The following RABGAP1L variants were observed in gnomAD, a reference collection of about 807,000 sequenced individuals.
RABGAP1L encodes the protein rab GTPase-activating protein 1-like.
A neutral mutation model predicts 137.7 loss-of-function variants in RABGAP1L; 63 were observed. That is an observed-to-expected ratio of 0.46 (90% CI 0.37 to 0.56). The LOEUF (loss-of-function observed/expected upper bound fraction) is 0.56, where lower values mean the gene tolerates loss of function less well. Among genes scored for constraint, RABGAP1L ranks in the 20% least tolerant of loss-of-function variants. The pLI is 0.00. For missense variants in RABGAP1L, 1,095 were observed against 1,244.0 expected (o/e 0.88, Z 1.80); for synonymous variants, 431 against 433.7 (o/e 0.99, Z 0.08).
chr1:174,161,328 C>T (rs757227072), intron 1 of RABGAP1L, among the ~76,000 whole-genome samples: 2 of 151,404 alleles, frequency 1.3e-5, no homozygotes, highest in African/African-American at 2.4e-5. Flanking sequence ...CCACAACCTC[C>T]GCCTCCCGGG....
At chr1:174,447,294 T>C (rs1006517472) in intron 13 of RABGAP1L, among the ~76,000 whole-genome samples, 3 of 152,224 alleles carry the variant, frequency 2.0e-5, no homozygotes, top group African/African-American at 7.2e-5. Flanking sequence ...ATTCATTGTA[T>C]ATTCTCTTTT....
chr1:174,169,070 A>G (rs1020991936), intron 1 of RABGAP1L, among the ~76,000 whole-genome samples: 3 of 152,182 alleles, frequency 2.0e-5, no homozygotes, highest in Admixed American at 2.0e-4. Flanking sequence ...ACATATGATA[A>G]TGTAGGCCTC....
intron 13 of RABGAP1L, among the ~76,000 whole-genome samples, chr1:174,605,151 CA>C (rs1670693062): frequency 7.1e-6 from 1 of 141,760 alleles, no homozygotes; most frequent in African/African-American, 3.2e-5. Flanking sequence ...AAAACCAAAC[CA>C]AAACAAACAA....
At chr1:174,615,263 A>G (rs898863321) in intron 13 of RABGAP1L, among the ~76,000 whole-genome samples, 1 of 152,054 alleles carries the variant, frequency 6.6e-6, no homozygotes. Flanking sequence ...TTTGGTGTGG[A>G]TGTCCTGTTT....
At chr1:174,908,537 C>CTTTTTT (rs774387616) in intron 19 of RABGAP1L, among the ~76,000 whole-genome samples, 18 of 94,382 alleles carry the variant, frequency 1.9e-4, no homozygotes, top group Admixed American at 3.6e-4. Flanking sequence ...ACAACATATT[C>CTTTTTT]TTTTTTTTTT....
intron 11 of RABGAP1L, among the ~76,000 whole-genome samples, chr1:174,351,229 T>C (rs79682083): frequency 0.06 from 9,212 of 152,292 alleles, 972 homozygotes; most frequent in African/African-American, 0.21. Context: ...TATAGTGTTA[T>C]CATTTTCTGT....
chr1:174,582,952 A>G (rs1572398055), intron 13 of RABGAP1L, among the ~76,000 whole-genome samples: 3 of 152,314 alleles, frequency 2.0e-5, no homozygotes, highest in Admixed American at 2.0e-4. Flanking sequence ...TGGCGTATGT[A>G]TTATACACTT....
intron 18 of RABGAP1L, among the ~76,000 whole-genome samples, chr1:174,771,472 CA>C (rs879895715): frequency 3.9e-4 from 56 of 142,354 alleles, no homozygotes; most frequent in East Asian, 8.0e-4. Context: ...GCCTCTTTTA[CA>C]AAAAAAAAAG....
intron 19 of RABGAP1L, among the ~76,000 whole-genome samples, chr1:174,947,037 G>A (rs1317744906): frequency 6.8e-6 from 1 of 146,006 alleles, no homozygotes; most frequent in South Asian, 2.1e-4. Context: ...CAGTGCTGCA[G>A]CATGCATTTT....
chr1:174,374,288 T>C (rs1348512403), intron 12 of RABGAP1L, among the ~76,000 whole-genome samples: 1 of 152,162 alleles, frequency 6.6e-6, no homozygotes, highest in Non-Finnish European at 1.5e-5. Flanking sequence ...GCAGCTCTAC[T>C]CTCTGGACAG....
intron 11 of RABGAP1L, among the ~76,000 whole-genome samples, chr1:174,335,040 G>A (rs1681356595): frequency 6.6e-6 from 1 of 151,724 alleles, no homozygotes; most frequent in Non-Finnish European, 1.5e-5. Flanking sequence ...TTCACTATTT[G>A]ATATGTCACC....
chr1:174,868,046 G>A (rs1651585119), intron 19 of RABGAP1L, among the ~76,000 whole-genome samples: 1 of 152,010 alleles, frequency 6.6e-6, no homozygotes, highest in African/African-American at 2.4e-5. Flanking sequence ...GCTCACCGCA[G>A]CCTCCGCCGC....
chr1:174,484,122 G>A (rs1267375096), intron 13 of RABGAP1L, among the ~76,000 whole-genome samples: 2 of 152,032 alleles, frequency 1.3e-5, no homozygotes, highest in African/African-American at 4.8e-5. Context: ...AAGATATCTC[G>A]TAGTTTTGAT....
At chr1:174,326,970 T>A (rs1680488271) in intron 11 of RABGAP1L, among the ~76,000 whole-genome samples, 1 of 152,160 alleles carries the variant, frequency 6.6e-6, no homozygotes, top group African/African-American at 2.4e-5. Context: ...ACAGTAAAGC[T>A]ATTTTTTTTA....
In RABGAP1L at chr1:174,538,973, A is replaced by T. The variant is rs573851484; in HGVS notation, c.1711-98402A>T. Among the ~76,000 whole-genome samples the T allele has an allele frequency of 5.9e-5, 9 of 152,298 alleles. 1 individual carries two copies. The South Asian group carries it at 1.9e-3, about 32-fold the overall frequency. Reference sequence around the variant, plus strand: ...GTGTAGTGTTGAGAGTCTAGGCACTAGAGATAGACTGCCTACGTTCATTAA... The same window carrying T: ...GTGTAGTGTTGAGAGTCTAGGCACTTGAGATAGACTGCCTACGTTCATTAA... On this transcript the variant is annotated intron_variant, in intron 13 of 25. Coordinates refer to ENST00000681986, the MANE Select transcript of RABGAP1L (RefSeq NM_001366446.1).
intron 14 of RABGAP1L, among the ~76,000 whole-genome samples, chr1:174,664,058 A>C (rs940123310): frequency 6.6e-6 from 1 of 152,174 alleles, no homozygotes; most frequent in Non-Finnish European, 1.5e-5. Context: ...TATTAATGAA[A>C]CAACAATATA....
At chr1:174,367,636 C>G (rs1184669137) in intron 11 of RABGAP1L, 3 of 264,650 alleles carry the variant, frequency 1.1e-5, no homozygotes, top group Non-Finnish European at 2.2e-5. Flanking sequence ...GAAGGCTTGC[C>G]TTTCTTTTTA....
At chr1:174,349,523 A>C (rs1682847968) in intron 11 of RABGAP1L, among the ~76,000 whole-genome samples, 2 of 109,324 alleles carry the variant, frequency 1.8e-5, no homozygotes, top group Admixed American at 9.0e-5. Flanking sequence ...ACTTCCCAGT[A>C]GGGGCGGCCG....
rs571679988 is a variant in RABGAP1L, at chr1:174,617,371, T to C, written c.1711-20004T>C. Among the ~76,000 whole-genome samples, 3 of 152,320 alleles carry C rather than the reference T, an allele frequency of 2.0e-5. No individual in the cohort carries two copies. In the South Asian group the frequency reaches 6.2e-4, roughly 32 times the overall value. On this transcript the variant is annotated intron_variant, in intron 13 of 25. Coordinates refer to ENST00000681986, the MANE Select transcript of RABGAP1L (RefSeq NM_001366446.1). ...AGAGTATCAGGAAAGAAAGTTGTAA[T>C]ATTAACCAGGCTTTGTAAAACAAAA...
Sources: allele counts gnomAD v4.1 joint callset (sites outside exome capture counted in the v4.1 genomes callset), GRCh38; gene constraint gnomAD v4.1.1; transcripts MANE v1.5; gene names NCBI Gene and HGNC (gene_info 2026-07-23, HGNC 2026-07-21).